MRPL3: variants seen among roughly 807,000 people sequenced by gnomAD.
MRPL3 encodes the protein mitochondrial ribosomal protein L3.
MRPL3 carries 43 observed loss-of-function variants against 44.3 expected under a neutral mutation model. The ratio of observed to expected loss-of-function variants is 0.97; its 90% CI spans 0.76 to 1.25. The LOEUF is 1.25. Ranked by LOEUF, MRPL3 falls within the 50% of genes most tolerant of loss-of-function variation. MRPL3 has a pLI of 0.00. For synonymous variants in MRPL3, 171 were observed against 152.3 expected (o/e 1.12, Z -0.91); for missense variants, 406 against 427.6 (o/e 0.95, Z 0.45).
At chr3:131,473,077 G>C (rs1237570171) in intron 6 of MRPL3, among the ~76,000 whole-genome samples, 1 of 152,054 alleles carries the variant, frequency 6.6e-6, no homozygotes, top group African/African-American at 2.4e-5. Context: ...AATTCATATG[G>C]AACCACAAAA....
In MRPL3 at chr3:131,462,627, G is replaced by T. The variant is rs1011400604; in HGVS notation, c.*96C>A. 8.4e-6 allele frequency: 10 copies of T among 1,196,208 alleles called. No individual in the cohort carries two copies. In the African/African-American group the frequency reaches 1.4e-4, roughly 16 times the overall value. 74.1% of individuals were successfully genotyped at this position (1,196,208 alleles called of 1,614,324 possible). A position where few individuals can be genotyped will look rare whatever the true frequency, so the allele number is the denominator to read the frequency against. On this transcript the variant is annotated 3_prime_UTR_variant, in exon 10 of 10. Coordinates refer to ENST00000264995, the MANE Select transcript of MRPL3 (RefSeq NM_007208.4). ...AAGATGACATGTGTGATTTTGTTGTGACTAAGAAAGGAGAGTATGATTTCT... is the reference window on the plus strand; with the variant it reads ...AAGATGACATGTGTGATTTTGTTGTTACTAAGAAAGGAGAGTATGATTTCT...
chr3:131,478,508 C>A (rs1026163308), intron 6 of MRPL3, among the ~76,000 whole-genome samples: 1 of 152,086 alleles, frequency 6.6e-6, no homozygotes, highest in Non-Finnish European at 1.5e-5. Context: ...CTGGATCCAA[C>A]CTGACTTCCA....
intron 4 of MRPL3, among the ~76,000 whole-genome samples, chr3:131,494,086 A>T (rs1246240027): frequency 6.6e-6 from 1 of 152,238 alleles, no homozygotes; most frequent in East Asian, 1.9e-4. Context: ...TTTTTGGATC[A>T]GTCTACAACT....
chr3:131,492,145 C>T (rs1358353230), intron 4 of MRPL3, among the ~76,000 whole-genome samples: 3 of 152,250 alleles, frequency 2.0e-5, no homozygotes, highest in South Asian at 4.1e-4. Flanking sequence ...TATCAACTTA[C>T]CTTGTCTAAT....
chr3:131,468,034 C>T (rs1933657334), intron 9 of MRPL3, 57 bp downstream of exon 9: 1 of 886,852 alleles, frequency 1.1e-6, no homozygotes, highest in Non-Finnish European at 1.6e-6. Flanking sequence ...AATTTGTTAG[C>T]TTGCGAGTAA....
In MRPL3 at chr3:131,498,251, A is replaced by G. The variant is rs1430911118; in HGVS notation, c.396T>C (p.Tyr132=). The change falls in exon 4 of 10, where the codon TAT becomes TAC. Residue 132 remains tyrosine (Y), a synonymous_variant. Coordinates refer to ENST00000264995, the MANE Select transcript of MRPL3 (RefSeq NM_007208.4). The part of the protein sequence containing the change: ...LQVQDCHVLK[Y]TSKENCNGKM... Reference sequence around the variant, plus strand: ...TTCCATTACAGTTTTCCTTTGACGTATATTTTAAGACATGACAGTCTTGTA... The same window carrying G: ...TTCCATTACAGTTTTCCTTTGACGTGTATTTTAAGACATGACAGTCTTGTA... 3 of 1,610,588 alleles carry G rather than the reference A, an allele frequency of 1.9e-6. No homozygotes were observed. Among genetic ancestry groups the G allele is most frequent in the South Asian group, 2.2e-5 (2 of 90,996 alleles).
intron 6 of MRPL3, among the ~76,000 whole-genome samples, chr3:131,486,160 C>T (rs1036131879): frequency 6.6e-6 from 1 of 151,850 alleles, no homozygotes; most frequent in Non-Finnish European, 1.5e-5. Flanking sequence ...CCCTTTCTTA[C>T]ACCTTATACA....
chr3:131,487,630 T>C, intron 6 of MRPL3, 50 bp downstream of exon 6: 2 of 1,392,740 alleles, frequency 1.4e-6, no homozygotes, highest in Middle Eastern at 1.8e-4. Context: ...TTCTATTCTC[T>C]TTTAATAGAT....
intron 6 of MRPL3, among the ~76,000 whole-genome samples, chr3:131,480,992 C>T (rs1239943896): frequency 6.6e-6 from 1 of 152,160 alleles, no homozygotes; most frequent in Non-Finnish European, 1.5e-5. Flanking sequence ...AAAATCAAAT[C>T]GCTGGAAATG....
At chr3:131,500,657 A>G in intron 2 of MRPL3, 136 bp from the exon 3 acceptor site, 4 of 669,586 alleles carry the variant, frequency 6.0e-6, no homozygotes, top group Non-Finnish European at 1.0e-5. Context: ...TTCACAGAGT[A>G]AAGTAGGACT....
chr3:131,471,405 C>T, intron 6 of MRPL3, 126 bp from the exon 7 acceptor site: 1 of 665,684 alleles, frequency 1.5e-6, no homozygotes, highest in Non-Finnish European at 2.6e-6. Context: ...ATTTAAATAA[C>T]TAGAAAAGGC....
intron 1 of MRPL3, among the ~76,000 whole-genome samples, chr3:131,502,473 C>T (rs1045556110): frequency 3.3e-5 from 5 of 152,248 alleles, no homozygotes; most frequent in Non-Finnish European, 1.5e-5. Context: ...TAGTACCTGG[C>T]AAACGCTCAC....
In MRPL3 at chr3:131,502,910, CAGT is replaced by C. The variant is rs763488349; in HGVS notation, c.-92_-90del. 8.0e-7 allele frequency: 1 copy of C among 1,255,538 alleles called. No homozygotes were observed. Among genetic ancestry groups the C allele is most frequent in the Non-Finnish European group, 1.1e-6 (1 of 876,174 alleles). 77.8% of individuals were successfully genotyped at this position (1,255,538 alleles called of 1,614,324 possible). A position where few individuals can be genotyped will look rare whatever the true frequency, so the allele number is the denominator to read the frequency against. On this transcript the variant is annotated 5_prime_UTR_variant, in exon 1 of 10. Transcript: ENST00000264995. ...TCCCCACGCCACCGCCACGTGGACG[CAGT>C]AGCCGTGGGGAAGTTTTCGCAATGG...
chr3:131,474,562 T>C (rs556380672), intron 6 of MRPL3, among the ~76,000 whole-genome samples: 2 of 152,098 alleles, frequency 1.3e-5, no homozygotes, highest in Non-Finnish European at 2.9e-5. Context: ...CACAAAAAAA[T>C]GATAAATGCA....
intron 4 of MRPL3, among the ~76,000 whole-genome samples, chr3:131,491,566 C>T (rs528974543): frequency 6.6e-6 from 1 of 152,116 alleles, no homozygotes; most frequent in African/African-American, 2.4e-5. Flanking sequence ...AGGCCTTCTT[C>T]CAAATCTCAA....
At chr3:131,472,624 A>G (rs1368504081) in intron 6 of MRPL3, among the ~76,000 whole-genome samples, 2 of 152,166 alleles carry the variant, frequency 1.3e-5, no homozygotes, top group African/African-American at 4.8e-5. Flanking sequence ...AAGGTATCCA[A>G]ATTGTAAAGG....
chr3:131,468,763 C>T (rs1933676938), intron 8 of MRPL3, among the ~76,000 whole-genome samples: 1 of 151,768 alleles, frequency 6.6e-6, no homozygotes, highest in African/African-American at 2.4e-5. Context: ...GAAAATACAG[C>T]AAATAGATGG....
chr3:131,462,998 T>C lies in MRPL3; in HGVS notation c.895-123A>G, dbSNP rs1220493934. On this transcript the variant is annotated intron_variant, in intron 9 of 9. Transcript: ENST00000264995. ...TTTCTAATGTGAATAACACAACTGTTACATAAATAGAGTAAAAAGAACTCA... is the reference window on the plus strand; with the variant it reads ...TTTCTAATGTGAATAACACAACTGTCACATAAATAGAGTAAAAAGAACTCA... 7 of 773,756 alleles carry C rather than the reference T, an allele frequency of 9.0e-6. No individual in the cohort carries two copies. The East Asian group carries it at 1.4e-4, about 15-fold the overall frequency. The allele number at this position is 773,756 out of a possible 1,614,324, so 47.9% of individuals were successfully genotyped here. A position where few individuals can be genotyped will look rare whatever the true frequency, so the allele number is the denominator to read the frequency against.
intron 5 of MRPL3, 25 bp downstream of exon 5, chr3:131,489,956 C>T (rs1186292171): frequency 4.1e-6 from 6 of 1,467,388 alleles, no homozygotes; most frequent in African/African-American, 1.4e-5. Flanking sequence ...TTTTTACCTC[C>T]CTCCTCTCCC....
Sources: gnomAD v4.1 joint callset for allele counts (sites outside exome capture counted in the v4.1 genomes callset) on GRCh38, gnomAD v4.1.1 for gene constraint, MANE v1.5 for transcripts, NCBI Gene and HGNC (gene_info 2026-07-23, HGNC 2026-07-21) for gene names.